Variants in CALB2 observed in about 807,000 individuals in gnomAD.
CALB2 encodes calbindin 2.
Under a neutral mutation model 45.9 loss-of-function variants are expected in CALB2, and 34 were observed. The ratio of observed to expected loss-of-function variants is 0.74; its 90% CI spans 0.56 to 0.99. The LOEUF is 0.99. Ranked by LOEUF, CALB2 falls within the 50% of genes least tolerant of loss-of-function variation. The pLI, the probability that CALB2 is intolerant of heterozygous loss-of-function variation, is 0.00. For synonymous variants in CALB2, 142 were observed against 129.6 expected, an observed-to-expected ratio of 1.10 and a Z score of -0.65; for missense variants, 344 against 339.3, an observed-to-expected ratio of 1.01 and a Z score of -0.11.
rs1217670466 is a variant in CALB2, at chr16:71,390,043, C to A, written c.*178C>A. 2 of 590,198 alleles carry A rather than the reference C, an allele frequency of 3.4e-6. No homozygotes were observed. Among genetic ancestry groups the A allele is most frequent in the East Asian group, 2.8e-5 (1 of 35,802 alleles). 36.6% of individuals were successfully genotyped at this position (590,198 alleles called of 1,614,324 possible). On this transcript the variant is annotated 3_prime_UTR_variant, in exon 11 of 11. Coordinates refer to ENST00000302628, the MANE Select transcript of CALB2 (RefSeq NM_001740.5). ...GGGCAGCTGGGGGGCTGTCCTGAGC[C>A]CCCTGCACCCACCCCTGCCCAGGCA...
intron 4 of CALB2, among the ~76,000 whole-genome samples, chr16:71,378,659 G>A (rs923316062): frequency 6.6e-6 from 1 of 152,232 alleles, no homozygotes; most frequent in Non-Finnish European, 1.5e-5. Context: ...GGAATAAGAT[G>A]AGAAGTAAGC....
chr16:71,384,399 C>T (rs1013849018), intron 8 of CALB2, 21 bp downstream of exon 8: 1 of 1,488,332 alleles, frequency 6.7e-7, no homozygotes, highest in Non-Finnish European at 9.2e-7. Flanking sequence ...GCTTTCCTTC[C>T]TTCCCCCTTC....
chr16:71,387,693 C>G (rs1311299022), intron 10 of CALB2, among the ~76,000 whole-genome samples: 1 of 152,140 alleles, frequency 6.6e-6, no homozygotes, highest in African/African-American at 2.4e-5. Flanking sequence ...CCCCATGCTG[C>G]TAAGTCTCTC....
At chr16:71,368,419 G>A (rs972851535) in intron 1 of CALB2, among the ~76,000 whole-genome samples, 1 of 152,182 alleles carries the variant, frequency 6.6e-6, no homozygotes, top group African/African-American at 2.4e-5. Context: ...TGAGGTGGGA[G>A]GACGGCTTGA....
At chr16:71,376,959 G>T (rs1035417762) in intron 3 of CALB2, among the ~76,000 whole-genome samples, 1 of 152,138 alleles carries the variant, frequency 6.6e-6, no homozygotes. Flanking sequence ...ATTGCATTGG[G>T]CAAAACTGGG....
intron 10 of CALB2, among the ~76,000 whole-genome samples, chr16:71,388,794 A>G (rs926255931): frequency 6.6e-6 from 1 of 151,018 alleles, no homozygotes; most frequent in African/African-American, 2.4e-5. Context: ...CAGCCTGGCC[A>G]ACATGGTGAA....
chr16:71,387,557 A>C (rs2042584916), intron 10 of CALB2, among the ~76,000 whole-genome samples: 1 of 151,614 alleles, frequency 6.6e-6, no homozygotes. Context: ...TTAATGTTTG[A>C]GGCTCCTCGA....
chr16:71,375,323 C>G (rs555958711), intron 3 of CALB2, among the ~76,000 whole-genome samples: 1 of 152,126 alleles, frequency 6.6e-6, no homozygotes, highest in Non-Finnish European at 1.5e-5. Flanking sequence ...TATATGCACA[C>G]GTATATACAC....
At chr16:71,368,497 A>G (rs990193841) in intron 1 of CALB2, among the ~76,000 whole-genome samples, 1 of 152,136 alleles carries the variant, frequency 6.6e-6, no homozygotes, top group African/African-American at 2.4e-5. Flanking sequence ...GACAGAGCAG[A>G]CCCTGTCTAA....
intron 6 of CALB2, 34 bp from the exon 7 acceptor site, chr16:71,383,936 G>C: frequency 6.2e-7 from 1 of 1,612,924 alleles, no homozygotes; most frequent in Non-Finnish European, 8.5e-7. Context: ...GAAATTCACA[G>C]CAAATAACCC....
intron 1 of CALB2, among the ~76,000 whole-genome samples, chr16:71,360,267 G>A (rs1461319411): frequency 6.6e-6 from 1 of 152,164 alleles, no homozygotes; most frequent in Non-Finnish European, 1.5e-5. Context: ...GGATGCTAAT[G>A]GGTGAAATTT....
chr16:71,380,282 CCTTCCTTTT>C (rs1324387567), intron 4 of CALB2, among the ~76,000 whole-genome samples: 5 of 119,114 alleles, frequency 4.2e-5, no homozygotes, highest in East Asian at 2.5e-4. Flanking sequence ...TTTCTTCTTT[CCTTCCTTTT>C]CTTTTTTTTT....
chr16:71,363,835 C>T (rs1227173127), intron 1 of CALB2, among the ~76,000 whole-genome samples: 1 of 152,176 alleles, frequency 6.6e-6, no homozygotes, highest in East Asian at 1.9e-4. Flanking sequence ...GGTCTTGGCC[C>T]ATTAAAATCA....
At chr16:71,380,923 A>G (rs939499689) in intron 4 of CALB2, among the ~76,000 whole-genome samples, 1 of 152,192 alleles carries the variant, frequency 6.6e-6, no homozygotes, top group African/African-American at 2.4e-5. Flanking sequence ...TCCTTGAATG[A>G]GAAGAGAAAG....
At chr16:71,364,732 T>C (rs2042265374) in intron 1 of CALB2, among the ~76,000 whole-genome samples, 1 of 152,176 alleles carries the variant, frequency 6.6e-6, no homozygotes, top group South Asian at 2.1e-4. Context: ...CCCAGAAACA[T>C]AGATTGAAAT....
intron 1 of CALB2, among the ~76,000 whole-genome samples, chr16:71,371,578 T>C (rs905526276): frequency 2.0e-5 from 3 of 152,162 alleles, no homozygotes; most frequent in African/African-American, 2.4e-5. Flanking sequence ...CACATCACAC[T>C]GGCCTCTGCC....
At chr16:71,366,013 CCTCTCT>C (rs200567880) in intron 1 of CALB2, among the ~76,000 whole-genome samples, 3 of 59,316 alleles carry the variant, frequency 5.1e-5, no homozygotes, top group Non-Finnish European at 9.8e-5. Flanking sequence ...TGTTTTCTTC[CCTCTCT>C]CTCTCTTTTT....
chr16:71,384,650 GACCACAC>G (rs1324615064), intron 8 of CALB2, 126 bp from the exon 9 acceptor site: 3 of 9,404 alleles, frequency 3.2e-4, no homozygotes, highest in East Asian at 1.8e-3. Context: ...ACACCACACA[GACCACAC>G]ACCACACACA....
intron 10 of CALB2, among the ~76,000 whole-genome samples, chr16:71,388,643 G>C (rs571111449): frequency 6.6e-6 from 1 of 152,074 alleles, no homozygotes; most frequent in Non-Finnish European, 1.5e-5. Context: ...CAAGAAGTAG[G>C]CTGGCGAGCT....
Sources: gnomAD v4.1 joint callset for allele counts (sites outside exome capture counted in the v4.1 genomes callset) on GRCh38, gnomAD v4.1.1 for gene constraint, MANE v1.5 for transcripts, NCBI Gene and HGNC (gene_info 2026-07-23, HGNC 2026-07-21) for gene names.